KLHL17: variants seen among roughly 807,000 people sequenced by gnomAD.
KLHL17 encodes kelch like family member 17.
A neutral mutation model predicts 64.6 loss-of-function variants in KLHL17; 71 were observed. The observed-to-expected ratio is 1.10, with a 90% CI of 0.91 to 1.34. The LOEUF is 1.34. Among genes scored for constraint, KLHL17 ranks in the 40% most tolerant of loss-of-function variants. The pLI, the probability that KLHL17 is intolerant of heterozygous loss-of-function variation, is 0.00. For synonymous variants in KLHL17, 612 were observed against 405.4 expected (o/e 1.51, Z -6.12); for missense variants, 1,140 against 935.0 (o/e 1.22, Z -2.86).
At position 965,086 on chromosome 1, in the gene KLHL17, C is replaced by T; in HGVS notation, c.1824C>T (p.Ser608=). The change falls in exon 12 of 12, where the codon TCC becomes TCT. Residue 608 remains serine (S), a synonymous_variant. Transcript: ENST00000338591. ...NPRTNKWVAA[S]CMFTRRSSVG... is the part of the protein sequence containing the mutation. ...GGACCAACAAGTGGGTGGCCGCATC[C>T]TGCATGTTCACCCGGCGCAGCAGTG... 6.2e-7 allele frequency: 1 copy of T among 1,612,670 alleles called. No homozygotes were observed. Among genetic ancestry groups the T allele is most frequent in the South Asian group, 1.1e-5 (1 of 91,064 alleles).
chr1:964,275 C>A, intron 10 of KLHL17, 74 bp from the exon 11 acceptor site: 1 of 1,588,778 alleles, frequency 6.3e-7, no homozygotes, highest in Non-Finnish European at 8.6e-7. Context: ...TGACACCCCA[C>A]CCTGGAGTCG....
Position 961,826 on chromosome 1 carries a change from A to T in KLHL17, c.490A>T (p.Thr164Ser). Residue 164 changes from threonine (T) to serine (S), a missense_variant and splice_region_variant, in exon 4 of 12, where the codon ACT becomes TCT. Thr to Ser is a moderately conservative substitution (Grantham distance 58, BLOSUM62 1). Coordinates refer to ENST00000338591, the MANE Select transcript of KLHL17 (RefSeq NM_198317.3). The part of the protein sequence containing the change: ...EIVVGEGNVQ[T>S]LLPAASLLQL... ...TCACCTGCCTCTCGGTGCCCCGTAG[A>T]CTCTGCTCCCAGCCGCCAGTCTCCT... is the stretch of plus-strand genomic sequence containing the variant. 3 of 1,609,330 alleles carry T rather than the reference A, an allele frequency of 1.9e-6. No homozygotes were observed. Among genetic ancestry groups the T allele is most frequent in the Non-Finnish European group, 2.5e-6 (3 of 1,179,578 alleles).
In KLHL17 at chr1:964,521, A is replaced by T; in HGVS notation, c.1691A>T (p.Asn564Ile). Residue 564 changes from asparagine (N) to isoleucine (I), a missense_variant, in exon 11 of 12, where the codon AAT becomes ATT. Coordinates refer to ENST00000338591, the MANE Select transcript of KLHL17 (RefSeq NM_198317.3). ...AGAWESVAPMNIRRSTHDLVA... is the reference protein window; with the variant it reads ...AGAWESVAPMIIRRSTHDLVA... ...GCCTGGGAAAGCGTGGCGCCCATGA[A>T]TATCCGCAGGTCCGCAGTGGGGCTG... 1 of 1,504,068 alleles carries T rather than the reference A, an allele frequency of 6.6e-7. No homozygotes were observed. The highest frequency in any genetic ancestry group is 8.9e-7 in the Non-Finnish European group (1 of 1,121,676). The allele number at this position is 1,504,068 out of a possible 1,614,324, so 93.2% of individuals were successfully genotyped here.
rs148945952 is a variant in KLHL17 at position 962,413 on chromosome 1, G to A, written c.770G>A (p.Arg257Gln). The change falls in exon 5 of 12, where the codon CGA (arginine) becomes CAA (glutamine). Residue 257 changes from arginine to glutamine, a missense_variant. Arg to Gln is a conservative substitution (Grantham distance 43). Transcript: ENST00000338591. Reference protein sequence around the residue: ...LNVPSEEEVYRAVLSWVKHDV... With the variant: ...LNVPSEEEVYQAVLSWVKHDV... Reference sequence around the variant, plus strand: ...GTGCCTTCAGAGGAGGAGGTCTACCGAGCCGTCCTGAGCTGGGTGAAACAC... The same window carrying A: ...GTGCCTTCAGAGGAGGAGGTCTACCAAGCCGTCCTGAGCTGGGTGAAACAC... 122 of 1,612,588 alleles carry A rather than the reference G, an allele frequency of 7.6e-5. No homozygotes were observed. The African/African-American group carries it at 1.0e-3, about 14-fold the overall frequency.
chr1:961,729 G>A lies in KLHL17; in HGVS notation c.468G>A (p.Val156=), dbSNP rs899826104. ...LVQFAYTAEI[V]VGEGNVQTLL... ...AGTTTGCCTACACGGCTGAGATTGT[G>A]GTGGGCGAGGGCAATGTGCAGGTGA... The change falls in exon 3 of 12, where the codon GTG becomes GTA. Residue 156 remains valine (V), a synonymous_variant. Coordinates refer to ENST00000338591, the MANE Select transcript of KLHL17 (RefSeq NM_198317.3). 4 of 1,611,978 alleles carry A rather than the reference G, an allele frequency of 2.5e-6. No individual in the cohort carries two copies. In the Admixed American group the frequency reaches 6.7e-5, roughly 27 times the overall value.
At position 961,435 on chromosome 1, in the gene KLHL17, C is replaced by T. The variant is rs1237677154; in HGVS notation, c.250C>T (p.Arg84Cys). 1.9e-6 allele frequency: 3 copies of T among 1,612,084 alleles called. No homozygotes were observed. Among genetic ancestry groups the T allele is most frequent in the Non-Finnish European group, 2.5e-6 (3 of 1,179,734 alleles). Reference protein sequence around the residue: ...HYHDAFVAMSRMRQRGLLCDI... With the variant: ...HYHDAFVAMSCMRQRGLLCDI... ...CCACGATGCCTTCGTGGCCATGAGC[C>T]GCATGCGCCAGCGCGGCCTCCTGTG... is the stretch of plus-strand genomic sequence containing the variant. The change falls in exon 2 of 12, where the codon CGC becomes TGC. Residue 84 changes from arginine (R) to cysteine (C), a missense_variant. Transcript: ENST00000338591.
At chr1:960,866 C>T in intron 1 of KLHL17, 66 bp downstream of exon 1, 1 of 968,968 alleles carries the variant, frequency 1.0e-6, no homozygotes, top group Non-Finnish European at 1.2e-6. Context: ...GCCCTCGCGT[C>T]CGCTCGCAGA....
chr1:964,586 G>A, intron 11 of KLHL17, 56 bp downstream of exon 11: 1 of 1,374,160 alleles, frequency 7.3e-7, no homozygotes, highest in Admixed American at 2.7e-5. Context: ...GCTGTGGGAG[G>A]GGTCCGCGCG....
chr1:965,392 T>C lies in KLHL17; in HGVS notation c.*201T>C, dbSNP rs1480179269. 3 of 592,438 alleles carry C rather than the reference T, an allele frequency of 5.1e-6. No homozygotes were observed. The highest frequency in any genetic ancestry group is 8.8e-6 in the Non-Finnish European group (3 of 339,078). The allele number at this position is 592,438 out of a possible 1,614,324, so 36.7% of individuals were successfully genotyped here. A position where few individuals can be genotyped will look rare whatever the true frequency, so the allele number is the denominator to read the frequency against. ...GCTGCCCGTTTACACCTTTAGCGTC[T>C]GGTCCTCCTGCGTGTCCTCCCCTCC... On this transcript the variant is annotated 3_prime_UTR_variant, in exon 12 of 12. Transcript: ENST00000338591.
At chr1:962,166 G>A (rs1412812894) in intron 4 of KLHL17, 119 bp downstream of exon 4, 25 of 1,274,478 alleles carry the variant, frequency 2.0e-5, no homozygotes, top group Non-Finnish European at 2.5e-5. Flanking sequence ...AGTGCCTGCT[G>A]TGTGTCCCCG....
At chr1:963,715 G>A (rs1642761803) in intron 8 of KLHL17, 2 of 818,218 alleles carry the variant, frequency 2.4e-6, no homozygotes, top group Non-Finnish European at 3.8e-6. Flanking sequence ...CCAGTCCAGA[G>A]GCTGGGCCCA....
rs371445171 is a variant in KLHL17 at position 962,410 on chromosome 1, A to G, written c.767A>G (p.Tyr256Cys). Residue 256 changes from tyrosine (Y) to cysteine (C), a missense_variant, in exon 5 of 12, where the codon TAC becomes TGC. Tyr to Cys is a radical substitution (Grantham distance 194). Transcript: ENST00000338591. ...AACGTGCCTTCAGAGGAGGAGGTCT[A>G]CCGAGCCGTCCTGAGCTGGGTGAAA... ...SLNVPSEEEVYRAVLSWVKHD... is the reference protein window; with the variant it reads ...SLNVPSEEEVCRAVLSWVKHD... 6.2e-7 allele frequency: 1 copy of G among 1,612,730 alleles called. No individual in the cohort carries two copies. The highest frequency in any genetic ancestry group is 8.5e-7 in the Non-Finnish European group (1 of 1,179,918).
chr1:962,071 T>TCCCCCCCCCCCCCCC, intron 4 of KLHL17, 24 bp downstream of exon 4: 1 of 1,581,964 alleles, frequency 6.3e-7, no homozygotes, highest in Non-Finnish European at 8.6e-7. Context: ...GGCCCAGCCC[T>TCCCCCCCCCCCCCCC]CGCCCCCCAC....
At position 963,514 on chromosome 1, in the gene KLHL17, G is replaced by C; in HGVS notation, c.1355+10G>C. On this transcript the variant is annotated intron_variant, in intron 8 of 11. Transcript: ENST00000338591. ...CCTCCTGCCTGAACAGGTAGTTGGG[G>C]TTGGGGCCCCAGTGGCTTTGTACAG... 6.2e-7 allele frequency: 1 copy of C among 1,600,882 alleles called. No individual in the cohort carries two copies. Among genetic ancestry groups the C allele is most frequent in the Admixed American group, 1.7e-5 (1 of 59,030 alleles).
chr1:962,000 G>A lies in KLHL17; in HGVS notation c.664G>A (p.Val222Met), dbSNP rs765733602. ...AAHRYVLQHF[V>M]DVAKTEEFML... ...CCACAGGTACGTGCTGCAGCACTTC[G>A]TGGACGTGGCCAAGACCGAGGAGTT... The change falls in exon 4 of 12, where the codon GTG becomes ATG. Residue 222 changes from valine (V) to methionine (M), a missense_variant. Physicochemically the swap from Val to Met is conservative, Grantham distance 21 (BLOSUM62 1). Coordinates refer to ENST00000338591, the MANE Select transcript of KLHL17 (RefSeq NM_198317.3). 5.0e-6 allele frequency: 8 copies of A among 1,612,884 alleles called. 1 individual carries two copies. The highest frequency in any genetic ancestry group is 1.6e-4 in the Middle Eastern group (1 of 6,062).
rs80351873 is a variant in KLHL17 at position 964,939 on chromosome 1, G to A, written c.1701-24G>A. 16,094 of 1,544,632 alleles carry A rather than the reference G, an allele frequency of 0.01. 894 individuals carry two copies. The East Asian group carries it at 0.14, about 13-fold the overall frequency. ...CCCCCGCATCCCTTCCTGCAGCCAG[G>A]GGCTCACCCCGCCTTCCCCCCAGGA... On this transcript the variant is annotated intron_variant, in intron 11 of 11. Coordinates refer to ENST00000338591, the MANE Select transcript of KLHL17 (RefSeq NM_198317.3).
chr1:961,219 C>T (rs1313745366), intron 1 of KLHL17, 74 bp from the exon 2 acceptor site: 10 of 1,142,752 alleles, frequency 8.8e-6, no homozygotes, highest in Non-Finnish European at 1.1e-5. Context: ...CGCGGGCTGC[C>T]CGGGCCCCCC....
rs148945952 is a variant in KLHL17, at chr1:962,413, G to T, written c.770G>T (p.Arg257Leu). 2 of 1,612,588 alleles carry T rather than the reference G, an allele frequency of 1.2e-6. No individual in the cohort carries two copies. Among genetic ancestry groups the T allele is most frequent in the South Asian group, 1.1e-5 (1 of 91,068 alleles). ...LNVPSEEEVY[R>L]AVLSWVKHDV... is the part of the protein sequence containing the mutation. ...GTGCCTTCAGAGGAGGAGGTCTACCGAGCCGTCCTGAGCTGGGTGAAACAC... is the reference window on the plus strand; with the variant it reads ...GTGCCTTCAGAGGAGGAGGTCTACCTAGCCGTCCTGAGCTGGGTGAAACAC... Residue 257 changes from arginine to leucine, a missense_variant, in exon 5 of 12, where the codon CGA becomes CTA. By Grantham distance (102) the Arg-to-Leu change is moderately radical. Coordinates refer to ENST00000338591, the MANE Select transcript of KLHL17 (RefSeq NM_198317.3).
At position 961,527 on chromosome 1, in the gene KLHL17, C is replaced by T. The variant is rs768053427; in HGVS notation, c.342C>T (p.Ser114=). The T allele has an allele frequency of 2.3e-5, 37 of 1,612,516 alleles. No individual in the cohort carries two copies. The Admixed American group carries it at 5.0e-4, about 22-fold the overall frequency. The change falls in exon 2 of 12, where the codon AGC becomes AGT. Residue 114 remains serine (S), a synonymous_variant. Coordinates refer to ENST00000338591, the MANE Select transcript of KLHL17 (RefSeq NM_198317.3). ...RAHKVVLASC[S]PYFHAMFTNE... ...ACAAAGTGGTGCTGGCCTCCTGCAG[C>T]CCCTACTTCCACGCCATGTTCACAA... is the stretch of plus-strand genomic sequence containing the variant.
Sources: gnomAD v4.1 joint callset for allele counts on GRCh38, gnomAD v4.1.1 for gene constraint, MANE v1.5 for transcripts, NCBI Gene and HGNC (gene_info 2026-07-23, HGNC 2026-07-21) for gene names.